ANOS1: variants seen among roughly 807,000 people sequenced by gnomAD.
ANOS1 encodes anosmin-1.
Under a neutral mutation model 59.0 loss-of-function variants are expected in ANOS1, and 6 were observed. That is an observed-to-expected ratio of 0.10 (90% CI 0.06 to 0.20). The LOEUF (loss-of-function observed/expected upper bound fraction) is 0.20. Ranked by LOEUF, ANOS1 falls within the 10% of genes least tolerant of loss-of-function variation. ANOS1 has a pLI of 1.00. For synonymous variants in ANOS1, 217 were observed against 223.4 expected, an observed-to-expected ratio of 0.97 and a Z score of 0.25; for missense variants, 433 against 542.3, an observed-to-expected ratio of 0.80 and a Z score of 2.00.
intron 2 of ANOS1, among the ~76,000 whole-genome samples, chrX:8,695,699 G>GAAA (rs774226890): frequency 2.1e-4 from 11 of 51,765 alleles, no homozygotes; most frequent in African/African-American, 7.0e-4. Context: ...TATAAGGGTG[G>GAAA]AAAAAAAAAA....
At chrX:8,717,700 T>C (rs766530947) in intron 1 of ANOS1, among the ~76,000 whole-genome samples, 10 of 111,304 alleles carry the variant, frequency 9.0e-5, no homozygotes, top group African/African-American at 2.9e-4. Flanking sequence ...AGAGAGACAA[T>C]GCATTTCTAC....
intron 4 of ANOS1, among the ~76,000 whole-genome samples, chrX:8,596,778 A>G (rs1930744249): frequency 8.9e-6 from 1 of 111,944 alleles, no homozygotes; most frequent in South Asian, 3.7e-4. Flanking sequence ...ATGTTCCTGA[A>G]TTGTTGCTGT....
intron 1 of ANOS1, among the ~76,000 whole-genome samples, chrX:8,717,097 C>G (rs957544259): frequency 9.0e-6 from 1 of 111,351 alleles, no homozygotes; most frequent in Non-Finnish European, 1.9e-5. Flanking sequence ...AAAACGTCCA[C>G]AGTGTCATAG....
chrX:8,628,778 T>C (rs1415837174), intron 2 of ANOS1, among the ~76,000 whole-genome samples: 1 of 112,530 alleles, frequency 8.9e-6, no homozygotes, highest in Non-Finnish European at 1.9e-5. Context: ...GAAGAAACAC[T>C]TTAAATTTCA....
rs111950774 is a variant in ANOS1 at position 8,618,800 on chromosome X, G to A, written c.318+4808C>T. On this transcript the variant is annotated intron_variant, in intron 3 of 13. Coordinates refer to ENST00000262648, the MANE Select transcript of ANOS1 (RefSeq NM_000216.4). ...GAAAATAAGAGAACAGGCCGGGTAC[G>A]GTGGCTCACGCCTGTAATCCCAGCA... Among the ~76,000 whole-genome samples the A allele has an allele frequency of 8.0e-3, 890 of 111,326 alleles. 4 individuals are homozygous for A. The highest frequency in any genetic ancestry group is 0.012 in the African/African-American group (363 of 30,673).
rs202229567 is a variant in ANOS1 at position 8,668,394 on chromosome X, CATATATATATAT to C, written c.255+31292_255+31303del. Among the ~76,000 whole-genome samples, 230 of 51,568 alleles carry C rather than the reference CATATATATATAT, an allele frequency of 4.5e-3. 2 individuals are homozygous for C. The highest frequency in any genetic ancestry group is 0.014 in the African/African-American group (196 of 14,007). The allele number at this position is 51,568 out of a possible 115,157, so 44.8% of individuals were successfully genotyped here. On this transcript the variant is annotated intron_variant, in intron 2 of 13. Coordinates refer to ENST00000262648, the MANE Select transcript of ANOS1 (RefSeq NM_000216.4). ...TTTTTATGGCTGAATAGTATTCCAT[CATATATATATAT>C]ATATATATATATATATATATATATA...
At chrX:8,614,418 C>T (rs188147341) in intron 3 of ANOS1, among the ~76,000 whole-genome samples, 8 of 111,393 alleles carry the variant, frequency 7.2e-5, no homozygotes, top group South Asian at 7.5e-4. Flanking sequence ...TATTCTATAA[C>T]GCAGAGTTGT....
At chrX:8,661,878 C>T (rs1055132114) in intron 2 of ANOS1, among the ~76,000 whole-genome samples, 1 of 110,986 alleles carries the variant, frequency 9.0e-6, no homozygotes, top group African/African-American at 3.3e-5. Flanking sequence ...CTGTAAGGGA[C>T]GGACATCAAA....
intron 2 of ANOS1, among the ~76,000 whole-genome samples, chrX:8,643,018 C>T (rs940134345): frequency 1.6e-4 from 18 of 112,130 alleles, no homozygotes; most frequent in African/African-American, 5.8e-4. Flanking sequence ...GCAACATAAC[C>T]ATTCAAAAGC....
chrX:8,600,045 C>T (rs1049940247), intron 3 of ANOS1, among the ~76,000 whole-genome samples: 2 of 111,747 alleles, frequency 1.8e-5, no homozygotes, highest in Admixed American at 1.9e-4. Flanking sequence ...CTTAGTAATC[C>T]TAGAATAAAC....
intron 1 of ANOS1, among the ~76,000 whole-genome samples, chrX:8,728,836 C>T (rs904316312): frequency 8.9e-6 from 1 of 112,051 alleles, no homozygotes; most frequent in African/African-American, 3.3e-5. Flanking sequence ...TGCATTCCCA[C>T]CCCCATGCCT....
intron 2 of ANOS1, among the ~76,000 whole-genome samples, chrX:8,667,165 C>G (rs1046462284): frequency 1.6e-4 from 18 of 111,879 alleles, no homozygotes; most frequent in Non-Finnish European, 2.8e-4. Flanking sequence ...CCTTAAAATT[C>G]TAGCACCACA....
At chrX:8,666,430 C>G (rs763756067) in intron 2 of ANOS1, among the ~76,000 whole-genome samples, 2 of 111,328 alleles carry the variant, frequency 1.8e-5, no homozygotes, top group African/African-American at 6.5e-5. Flanking sequence ...ATTATTTTCC[C>G]TATATCATAA....
chrX:8,604,480 C>T (rs1930902856), intron 3 of ANOS1, among the ~76,000 whole-genome samples: 2 of 112,377 alleles, frequency 1.8e-5, no homozygotes, highest in South Asian at 3.6e-4. Context: ...TGCAATCTTA[C>T]ACTTCCTGGG....
chrX:8,636,936 T>C (rs993504864), intron 2 of ANOS1, among the ~76,000 whole-genome samples: 3 of 112,461 alleles, frequency 2.7e-5, no homozygotes, highest in African/African-American at 9.7e-5. Flanking sequence ...TGGTGGAGAA[T>C]GTATGTTAGT....
intron 2 of ANOS1, among the ~76,000 whole-genome samples, chrX:8,691,029 G>A (rs142844211): frequency 1.9e-3 from 211 of 111,042 alleles, no homozygotes; most frequent in African/African-American, 5.9e-3. Context: ...TTTGTTAGAT[G>A]CAAGGTTTTG....
chrX:8,685,933 C>A (rs768887806), intron 2 of ANOS1, among the ~76,000 whole-genome samples: 1 of 111,759 alleles, frequency 8.9e-6, no homozygotes, highest in African/African-American at 3.3e-5. Flanking sequence ...AGGGCCAAAC[C>A]CCTCTGGCTC....
intron 2 of ANOS1, among the ~76,000 whole-genome samples, chrX:8,626,111 C>CAAAAAAA (rs138234272): frequency 3.7e-4 from 9 of 24,525 alleles, no homozygotes; most frequent in African/African-American, 1.4e-3. Flanking sequence ...GACTCTGTCT[C>CAAAAAAA]AAAAAAAAAA....
At position 8,597,074 on chromosome X, in the gene ANOS1, C is replaced by T. The variant is rs747802364; in HGVS notation, c.501G>A (p.Gly167=). Residue 167 remains glycine, a synonymous_variant, in exon 4 of 14, where the codon GGG becomes GGA. Transcript: ENST00000262648. ...CSGVKKCCSN[G]CGHTCQVPKT... ...TGGGTACTTGACAGGTGTGTCCACA[C>T]CCATTCGAACAACATTTCTTCACCC... 8.3e-7 allele frequency: 1 copy of T among 1,209,853 alleles called. No homozygotes were observed. Among genetic ancestry groups the T allele is most frequent in the Non-Finnish European group, 1.1e-6 (1 of 895,259 alleles).
Sources: allele counts gnomAD v4.1 joint callset (sites outside exome capture counted in the v4.1 genomes callset), GRCh38; gene constraint gnomAD v4.1.1; transcripts MANE v1.5; gene names NCBI Gene and HGNC (gene_info 2026-07-23, HGNC 2026-07-21).